Variants in COA8 observed in about 807,000 individuals in gnomAD.
COA8 encodes UPF0671 protein C14orf153.
Under a neutral mutation model 22.0 loss-of-function variants are expected in COA8, and 20 were observed. The observed-to-expected ratio is 0.91, with a 90% CI of 0.64 to 1.32. COA8 has a LOEUF of 1.32. Among genes scored for constraint, COA8 ranks in the 40% most tolerant of loss-of-function variants. The pLI is 0.00. For synonymous variants in COA8, 105 were observed against 79.9 expected, an observed-to-expected ratio of 1.31 and a Z score of -1.68; for missense variants, 266 against 230.0, an observed-to-expected ratio of 1.16 and a Z score of -1.01.
rs750489685 is a variant in COA8, at chr14:103,587,356, TTA to T, written c.471_472del (p.Tyr157Ter). The T allele has an allele frequency of 6.2e-7, 1 of 1,610,542 alleles. No individual in the cohort carries two copies. Among genetic ancestry groups the T allele is most frequent in the South Asian group, 1.1e-5 (1 of 90,858 alleles). Reference sequence around the variant, plus strand: ...GTAAAAATTTTCAGAAGCACATGTATTATAACAGGTAGGTGTTTACTCTTTTC... The same window carrying T: ...GTAAAAATTTTCAGAAGCACATGTATTAACAGGTAGGTGTTTACTCTTTTC... ...LSKNFQKHMY[Y>X]NRDWYKRNFA... On this transcript the variant is annotated frameshift_variant, in exon 4 of 5. Coordinates refer to ENST00000409074, the MANE Select transcript of COA8 (RefSeq NM_001370595.2). LOFTEE classifies it high-confidence loss of function.
chr14:103,568,737 C>G (rs2076157226), intron 1 of COA8, among the ~76,000 whole-genome samples: 1 of 151,702 alleles, frequency 6.6e-6, no homozygotes, highest in African/African-American at 2.4e-5. Context: ...TCAAGCAATT[C>G]TTGTGCCTCA....
chr14:103,588,400 G>A lies in COA8; in HGVS notation c.476+1036G>A, dbSNP rs554902785. The A allele has an allele frequency of 3.5e-5, 13 of 374,172 alleles. No individual in the cohort carries two copies. The South Asian group carries it at 1.5e-3, about 42-fold the overall frequency. 23.2% of individuals were successfully genotyped at this position (374,172 alleles called of 1,614,324 possible). On this transcript the variant is annotated intron_variant, in intron 4 of 4. Transcript: ENST00000409074. ...TTAAGGCTACAGTGAGCCGAGATCC[G>A]GCCACTGCATTCCAGCCTGGATGGC...
At chr14:103,563,556 A>G (rs1051035802) in intron 1 of COA8, among the ~76,000 whole-genome samples, 4 of 152,058 alleles carry the variant, frequency 2.6e-5, no homozygotes, top group Admixed American at 2.6e-4. Context: ...GTAGCACTTC[A>G]CGTTGAATAG....
rs35726464 is a variant in COA8 at position 103,583,541 on chromosome 14, C to CAA, written c.386-3709_386-3708dup. Among the ~76,000 whole-genome samples, 419 of 50,950 alleles carry CAA rather than the reference C, an allele frequency of 8.2e-3. 1 individual carries two copies. The highest frequency in any genetic ancestry group is 0.01 in the Non-Finnish European group (274 of 27,194). The allele number at this position is 50,950 out of a possible 152,430, so 33.4% of individuals were successfully genotyped here. A position where few individuals can be genotyped will look rare whatever the true frequency, so the allele number is the denominator to read the frequency against. On this transcript the variant is annotated intron_variant, in intron 3 of 4. Coordinates refer to ENST00000409074, the MANE Select transcript of COA8 (RefSeq NM_001370595.2). ...TGGGCAACAGAGCAAGACTCGATCT[C>CAA]AAAAAAAAAAAAAAAAAAAAAAAAA...
At chr14:103,573,906 C>G (rs2076208449) in intron 2 of COA8, among the ~76,000 whole-genome samples, 1 of 152,110 alleles carries the variant, frequency 6.6e-6, no homozygotes, top group South Asian at 2.1e-4. Flanking sequence ...TGAACATCTT[C>G]TCAAATCCTG....
At position 103,581,909 on chromosome 14, in the gene COA8, C is replaced by T. The variant is rs2076270059; in HGVS notation, c.386-5365C>T. Among the ~76,000 whole-genome samples the T allele has an allele frequency of 6.6e-6, 1 of 152,188 alleles. No individual in the cohort carries two copies. Among genetic ancestry groups the T allele is most frequent in the East Asian group, 1.9e-4 (1 of 5,198 alleles). ...CTGTGGGAATAAAGGGGTTGCCAGACACCCTCCCTGCTCTGTGGAGGGAGG... is the reference window on the plus strand; with the variant it reads ...CTGTGGGAATAAAGGGGTTGCCAGATACCCTCCCTGCTCTGTGGAGGGAGG... On this transcript the variant is annotated intron_variant, in intron 3 of 4. Transcript: ENST00000409074. The surrounding 1 kb of genome is among the most constrained non-coding windows in gnomAD (Gnocchi z 4.1).
At chr14:103,572,381 C>G (rs913530078) in intron 2 of COA8, among the ~76,000 whole-genome samples, 1 of 152,084 alleles carries the variant, frequency 6.6e-6, no homozygotes, top group Non-Finnish European at 1.5e-5. Flanking sequence ...AGCAGCAGAG[C>G]CAGAACTAGA....
Position 103,590,478 on chromosome 14 carries a change from G to A in COA8, c.*192G>A, listed in dbSNP as rs1380620519. ...CGCCTGCCTGCTGATGTGGGCTCTA[G>A]GCCAGCTTGTTGTCACGTACGTGGT... On this transcript the variant is annotated 3_prime_UTR_variant, in exon 5 of 5. Coordinates refer to ENST00000409074, the MANE Select transcript of COA8 (RefSeq NM_001370595.2). 1.8e-6 allele frequency: 1 copy of A among 555,072 alleles called. No homozygotes were observed. Among genetic ancestry groups the A allele is most frequent in the African/African-American group, 1.9e-5 (1 of 52,282 alleles). 34.4% of individuals were successfully genotyped at this position (555,072 alleles called of 1,614,324 possible). A position where few individuals can be genotyped will look rare whatever the true frequency, so the allele number is the denominator to read the frequency against.
chr14:103,568,526 C>T (rs12889721), intron 1 of COA8, among the ~76,000 whole-genome samples: 41,013 of 151,076 alleles, frequency 0.27, 5,804 homozygotes, highest in East Asian at 0.37. Flanking sequence ...TATACACACA[C>T]ATACACATAT....
chr14:103,582,612 C>T (rs1317579038), intron 3 of COA8, among the ~76,000 whole-genome samples: 2 of 152,034 alleles, frequency 1.3e-5, no homozygotes, highest in African/African-American at 4.8e-5. Context: ...CAGGAGTGTG[C>T]GTGATGAAAC....
intron 1 of COA8, among the ~76,000 whole-genome samples, chr14:103,565,122 A>AT (rs1445224652): frequency 2.7e-5 from 4 of 150,312 alleles, no homozygotes; most frequent in South Asian, 2.1e-4. Context: ...CGCCTGGTTA[A>AT]TTTTTTTTTC....
At chr14:103,580,302 T>G (rs182808829) in intron 3 of COA8, among the ~76,000 whole-genome samples, 6 of 151,824 alleles carry the variant, frequency 4.0e-5, no homozygotes, top group African/African-American at 1.4e-4. Context: ...TATTACAACA[T>G]TATATTTTAT....
chr14:103,585,010 T>C (rs538878083), intron 3 of COA8, among the ~76,000 whole-genome samples: 1 of 151,932 alleles, frequency 6.6e-6, no homozygotes, highest in Non-Finnish European at 1.5e-5. Flanking sequence ...TGGTGGTGCG[T>C]GCCTGTAATC....
At position 103,585,934 on chromosome 14, in the gene COA8, G is replaced by A. The variant is rs556498651; in HGVS notation, c.386-1340G>A. On this transcript the variant is annotated intron_variant, in intron 3 of 4. Coordinates refer to ENST00000409074, the MANE Select transcript of COA8 (RefSeq NM_001370595.2). ...TTGTTTTTGGAGACGGAGTTTCGCTGTTGTTGCCCAGGCTGGAGTGCAATG... is the reference window on the plus strand; with the variant it reads ...TTGTTTTTGGAGACGGAGTTTCGCTATTGTTGCCCAGGCTGGAGTGCAATG... 5.3e-4 allele frequency among the ~76,000 whole-genome samples: 77 copies of A among 144,136 alleles called. 2 individuals are homozygous for A. In the South Asian group the frequency reaches 0.014, roughly 26 times the overall value. The allele number at this position is 144,136 out of a possible 152,430, so 94.6% of individuals were successfully genotyped here.
chr14:103,565,677 G>A (rs1016335006), intron 1 of COA8, among the ~76,000 whole-genome samples: 4 of 149,898 alleles, frequency 2.7e-5, no homozygotes, highest in African/African-American at 7.4e-5. Flanking sequence ...GTGCAGTGGC[G>A]TGATCTCAGC....
chr14:103,573,231 A>G (rs2076202282), intron 2 of COA8, among the ~76,000 whole-genome samples: 1 of 149,614 alleles, frequency 6.7e-6, no homozygotes, highest in East Asian at 2.0e-4. Flanking sequence ...GTGCAGTGAC[A>G]TGATCTCAGC....
At chr14:103,568,345 C>T (rs779307020) in intron 1 of COA8, among the ~76,000 whole-genome samples, 22 of 152,188 alleles carry the variant, frequency 1.4e-4, no homozygotes, top group Middle Eastern at 3.4e-3. Context: ...GCTGGAGAGG[C>T]AGGCCTGGCC....
intron 3 of COA8, among the ~76,000 whole-genome samples, chr14:103,586,355 G>A (rs2076307099): frequency 1.3e-5 from 2 of 151,394 alleles, no homozygotes; most frequent in Non-Finnish European, 2.9e-5. Flanking sequence ...CTACAGGCAT[G>A]TACCACCATA....
intron 1 of COA8, among the ~76,000 whole-genome samples, chr14:103,568,134 G>A (rs2076148829): frequency 6.6e-6 from 1 of 152,196 alleles, no homozygotes; most frequent in Non-Finnish European, 1.5e-5. Flanking sequence ...AACGCTAAGA[G>A]CTTGCTAACA....
Sources: allele counts gnomAD v4.1 joint callset (sites outside exome capture counted in the v4.1 genomes callset), GRCh38; gene constraint gnomAD v4.1.1; non-coding constraint Gnocchi (gnomAD v3.1); transcripts MANE v1.5; gene names NCBI Gene and HGNC (gene_info 2026-07-23, HGNC 2026-07-21).